The following SLC12A3 variants were observed in gnomAD, a reference collection of about 807,000 sequenced individuals.
The protein encoded by SLC12A3 is Na-Cl cotransporter.
Under a neutral mutation model 121.0 loss-of-function variants are expected in SLC12A3, and 104 were observed. The observed-to-expected ratio is 0.86, with a 90% CI of 0.73 to 1.01. SLC12A3 has a LOEUF of 1.01. Ranked by LOEUF, SLC12A3 falls within the 50% of genes least tolerant of loss-of-function variation. The pLI is 0.00. For synonymous variants in SLC12A3, 536 were observed against 533.4 expected (o/e 1.00, Z -0.07); for missense variants, 1,328 against 1,356.3 (o/e 0.98, Z 0.33).
chr16:56,899,414 G>A, intron 22 of SLC12A3, 116 bp from the exon 23 acceptor site: 1 of 797,074 alleles, frequency 1.3e-6, no homozygotes, highest in Non-Finnish European at 2.2e-6. Flanking sequence ...GCTTGAACCT[G>A]GGAGGCAGAG....
At chr16:56,887,294 T>C (rs531098577) in intron 17 of SLC12A3, among the ~76,000 whole-genome samples, 1 of 152,070 alleles carries the variant, frequency 6.6e-6, no homozygotes, top group African/African-American at 2.4e-5. Context: ...AACCTCCGCC[T>C]CCCGGGTTCA....
At chr16:56,909,040 A>G (rs1175023113) in intron 25 of SLC12A3, among the ~76,000 whole-genome samples, 1 of 152,192 alleles carries the variant, frequency 6.6e-6, no homozygotes, top group Admixed American at 6.5e-5. Flanking sequence ...AGTTTCCCTA[A>G]TTATAAAGAG....
At position 56,870,170 on chromosome 16, in the gene SLC12A3, G is replaced by A. The variant is rs774753202; in HGVS notation, c.676G>A (p.Ala226Thr). 5 of 1,613,886 alleles carry A rather than the reference G, an allele frequency of 3.1e-6. No individual in the cohort carries two copies. Among genetic ancestry groups the A allele is most frequent in the South Asian group, 2.2e-5 (2 of 91,088 alleles). Reference protein sequence around the residue: ...GGSIGLIFAFANAVGVAMHTV... With the variant: ...GGSIGLIFAFTNAVGVAMHTV... ...CTCCATCGGCCTCATTTTCGCTTTCGCCAATGCCGTGGGTGTGGCCATGCA... is the reference window on the plus strand; with the variant it reads ...CTCCATCGGCCTCATTTTCGCTTTCACCAATGCCGTGGGTGTGGCCATGCA... Residue 226 changes from alanine (A) to threonine (T), a missense_variant, in exon 5 of 26, where the codon GCC becomes ACC. Ala to Thr is a moderately conservative substitution (Grantham distance 58). Coordinates refer to ENST00000563236, the MANE Select transcript of SLC12A3 (RefSeq NM_001126108.2).
Position 56,899,582 on chromosome 16 carries a change from C to G in SLC12A3, c.2686C>G (p.Leu896Val). ...FRLGFHEVHILPDINQNPRAE... is the reference protein window; with the variant it reads ...FRLGFHEVHIVPDINQNPRAE... ...ACTGGGATTCCATGAAGTCCACATC[C>G]TCCCTGACATCAACCAGAACCCTCG... Residue 896 changes from leucine (L) to valine (V), a missense_variant, in exon 23 of 26, where the codon CTC (leucine) becomes GTC (valine). Transcript: ENST00000563236. The G allele has an allele frequency of 6.2e-7, 1 of 1,614,152 alleles. No homozygotes were observed. Among genetic ancestry groups the G allele is most frequent in the Non-Finnish European group, 8.5e-7 (1 of 1,179,960 alleles).
rs1161960340 is a variant in SLC12A3 at position 56,884,169 on chromosome 16, T to C, written c.1790T>C (p.Leu597Pro). 5.0e-6 allele frequency: 8 copies of C among 1,614,072 alleles called. No homozygotes were observed. Among genetic ancestry groups the C allele is most frequent in the Admixed American group, 1.7e-5 (1 of 60,016 alleles). ...GCCCTCATCGCCATTGGCGTGGTGC[T>C]CTTCCTCCTGCTCTATGTCATCTAC... ...WAALIAIGVV[L>P]FLLLYVIYKK... Residue 597 changes from leucine (L) to proline (P), a missense_variant, in exon 14 of 26, where the codon CTC becomes CCC. Transcript: ENST00000563236.
intron 25 of SLC12A3, among the ~76,000 whole-genome samples, chr16:56,911,634 T>G (rs2055687117): frequency 6.6e-6 from 1 of 151,984 alleles, no homozygotes; most frequent in Non-Finnish European, 1.5e-5. Flanking sequence ...GACATTGCTT[T>G]TTAAAGGAGG....
chr16:56,883,700 C>T (rs2055272035), intron 13 of SLC12A3, among the ~76,000 whole-genome samples: 1 of 152,246 alleles, frequency 6.6e-6, no homozygotes, highest in Non-Finnish European at 1.5e-5. Context: ...GCAGCCCTGG[C>T]CTGACCTGCT....
Position 56,915,454 on chromosome 16 carries a change from A to T in SLC12A3, c.*2049A>T, listed in dbSNP as rs2055739033. On this transcript the variant is annotated 3_prime_UTR_variant, in exon 26 of 26. Coordinates refer to ENST00000563236, the MANE Select transcript of SLC12A3 (RefSeq NM_001126108.2). ...GGCTGCTCTGAAGCCCCACTGTCTG[A>T]CCGCCTCAGGGCTTGCTACGAGGGA... 6.6e-6 allele frequency: 1 copy of T among 152,228 alleles called. No individual in the cohort carries two copies. The highest frequency in any genetic ancestry group is 1.5e-5 in the Non-Finnish European group (1 of 68,050). 9.4% of individuals were successfully genotyped at this position (152,228 alleles called of 1,614,324 possible). A position where few individuals can be genotyped will look rare whatever the true frequency, so the allele number is the denominator to read the frequency against.
intron 25 of SLC12A3, chr16:56,904,870 T>C (rs1213239417): frequency 1.8e-5 from 6 of 333,610 alleles, no homozygotes; most frequent in African/African-American, 8.6e-5. Context: ...GTTCCAAGCC[T>C]GAGCAACAGA....
chr16:56,869,780 G>C lies in SLC12A3; in HGVS notation c.557G>C (p.Gly186Ala), dbSNP rs759426055. ...TCGGTCACGGTGACCTCCATCACAG[G>C]CCTCTCCATCTCAGCCATCTCCACC... ...LLSVTVTSIT[G>A]LSISAISTNG... Residue 186 changes from glycine to alanine, a missense_variant, in exon 4 of 26, where the codon GGC becomes GCC. Transcript: ENST00000563236. 1 of 1,614,120 alleles carries C rather than the reference G, an allele frequency of 6.2e-7. No homozygotes were observed. The highest frequency in any genetic ancestry group is 8.5e-7 in the Non-Finnish European group (1 of 1,180,002).
At chr16:56,905,080 C>A (rs1372240803) in intron 25 of SLC12A3, among the ~76,000 whole-genome samples, 1 of 152,172 alleles carries the variant, frequency 6.6e-6, no homozygotes, top group Admixed American at 6.5e-5. Context: ...TGGCTCATGC[C>A]TGTAATCCCA....
chr16:56,877,662 C>T (rs950400028), intron 8 of SLC12A3, among the ~76,000 whole-genome samples: 3 of 152,218 alleles, frequency 2.0e-5, no homozygotes, highest in Non-Finnish European at 2.9e-5. Flanking sequence ...GCACAGCCCC[C>T]TGCCCAGCTG....
intron 12 of SLC12A3, among the ~76,000 whole-genome samples, chr16:56,880,587 T>G (rs2055227737): frequency 6.6e-6 from 1 of 152,150 alleles, no homozygotes; most frequent in African/African-American, 2.4e-5. Context: ...CAGGCCTAAA[T>G]GAACCCCAGA....
chr16:56,887,067 C>T lies in SLC12A3; in HGVS notation c.2152C>T (p.Arg718Cys), dbSNP rs777342064. The change falls in exon 17 of 26, where the codon CGC (arginine) becomes TGC (cysteine). Residue 718 changes from arginine to cysteine, a missense_variant. Physicochemically the swap from Arg to Cys is radical, Grantham distance 180. Coordinates refer to ENST00000563236, the MANE Select transcript of SLC12A3 (RefSeq NM_001126108.2). Reference sequence around the variant, plus strand: ...CTCGGATGTCATTGCCGAGGACCTCCGCAGAGGCGTCCAGATCCTCATGCA... The same window carrying T: ...CTCGGATGTCATTGCCGAGGACCTCTGCAGAGGCGTCCAGATCCTCATGCA... ...FYSDVIAEDLRRGVQILMQAA... is the reference protein window; with the variant it reads ...FYSDVIAEDLCRGVQILMQAA... 2.9e-5 allele frequency: 46 copies of T among 1,613,926 alleles called. No individual in the cohort carries two copies. The highest frequency in any genetic ancestry group is 6.6e-5 in the South Asian group (6 of 91,094).
intron 16 of SLC12A3, 112 bp downstream of exon 16, chr16:56,886,587 C>T: frequency 1.0e-6 from 1 of 952,882 alleles, no homozygotes; most frequent in Non-Finnish European, 1.6e-6. Context: ...GAGTTTGAGA[C>T]CAGCCTGGCC....
intron 22 of SLC12A3, among the ~76,000 whole-genome samples, chr16:56,898,955 T>G (rs1473249327): frequency 6.6e-6 from 1 of 152,202 alleles, no homozygotes; most frequent in African/African-American, 2.4e-5. Context: ...CGAATCAGAA[T>G]CAGCGTGGTA....
rs2055396681 is a variant in SLC12A3, at chr16:56,892,142, C to T, written c.2419+9C>T. 2 of 1,613,188 alleles carry T rather than the reference C, an allele frequency of 1.2e-6. No individual in the cohort carries two copies. Among genetic ancestry groups the T allele is most frequent in the South Asian group, 1.1e-5 (1 of 91,036 alleles). On this transcript the variant is annotated intron_variant, in intron 20 of 25. Coordinates refer to ENST00000563236, the MANE Select transcript of SLC12A3 (RefSeq NM_001126108.2). The stretch of plus-strand genomic sequence containing the variant: ...GGAAGCCAGCGCCAGAGGTGCCAGG[C>T]CATCAGTCTCTGGCGCTTGTCAGTG...
chr16:56,912,165 G>T (rs2055694756), intron 25 of SLC12A3, among the ~76,000 whole-genome samples: 1 of 152,232 alleles, frequency 6.6e-6, no homozygotes, highest in Non-Finnish European at 1.5e-5. Context: ...AGACACTCAA[G>T]TGAGTCCCAC....
intron 25 of SLC12A3, among the ~76,000 whole-genome samples, chr16:56,908,744 G>T (rs1467722028): frequency 6.6e-6 from 1 of 152,190 alleles, no homozygotes; most frequent in Non-Finnish European, 1.5e-5. Context: ...AAGGAAAGGG[G>T]CTGGGCTTAT....
Sources: gnomAD v4.1 joint callset for allele counts (sites outside exome capture counted in the v4.1 genomes callset) on GRCh38, gnomAD v4.1.1 for gene constraint, MANE v1.5 for transcripts, NCBI Gene and HGNC (gene_info 2026-07-23, HGNC 2026-07-21) for gene names.